CPNE2: variants seen among roughly 807,000 people sequenced by gnomAD.
CPNE2 encodes copine 2.
A neutral mutation model predicts 69.7 loss-of-function variants in CPNE2; 42 were observed. The observed-to-expected ratio is 0.60, with a 90% CI of 0.47 to 0.78. The LOEUF (loss-of-function observed/expected upper bound fraction) is 0.78. Ranked by LOEUF, CPNE2 falls within the 30% of genes least tolerant of loss-of-function variation. CPNE2 has a pLI of 0.00. For missense variants in CPNE2, 587 were observed against 732.0 expected (o/e 0.80, Z 2.29); for synonymous variants, 294 against 289.8 (o/e 1.01, Z -0.15).
intron 7 of CPNE2, among the ~76,000 whole-genome samples, chr16:57,120,204 C>T (rs949399502): frequency 6.0e-5 from 9 of 150,520 alleles, no homozygotes; most frequent in East Asian, 2.0e-4. Context: ...ATGTGGGAGG[C>T]GGAGGTTGCA....
chr16:57,143,459 T>G (rs1370213111), intron 14 of CPNE2: 1 of 152,336 alleles, frequency 6.6e-6, no homozygotes, highest in African/African-American at 2.4e-5. Context: ...GCCAGGCCCC[T>G]CTGTTGGAGA....
rs140158378 is a variant in CPNE2 at position 57,103,386 on chromosome 16, A to G, written c.-35-7322A>G. Among the ~76,000 whole-genome samples, 551 of 152,192 alleles carry G rather than the reference A, an allele frequency of 3.6e-3. 2 individuals are homozygous for G. Among genetic ancestry groups the G allele is most frequent in the Non-Finnish European group, 6.3e-3 (426 of 68,010 alleles). On this transcript the variant is annotated intron_variant, in intron 1 of 15. Transcript: ENST00000290776. ...CAGTTCTCCCACCTCAGCCTCCCAA[A>G]GTGTTAGGATCATAAGCGTGGGCTG...
chr16:57,123,950 G>A (rs1305821957), intron 10 of CPNE2: 1 of 179,540 alleles, frequency 5.6e-6, no homozygotes, highest in Non-Finnish European at 1.2e-5. Context: ...CAGAACCTTT[G>A]CATGGCTGCC....
chr16:57,119,282 G>A lies in CPNE2; in HGVS notation c.591+4G>A, dbSNP rs2069743376. 1 of 1,613,884 alleles carries A rather than the reference G, an allele frequency of 6.2e-7. No individual in the cohort carries two copies. The highest frequency in any genetic ancestry group is 8.5e-7 in the Non-Finnish European group (1 of 1,179,832). ...GATGCTGGTCCACAGGACTGAGGTG[G>A]GTACGTGGGGGCCCAGGGATCTCTA... On this transcript the variant is annotated splice_donor_region_variant and intron_variant, in intron 6 of 15. Coordinates refer to ENST00000290776, the MANE Select transcript of CPNE2 (RefSeq NM_152727.6).
At position 57,115,555 on chromosome 16, in the gene CPNE2, C is replaced by A; in HGVS notation, c.435+5C>A. ...GCGGGGAAGGGCTTGATTACGGTACCAGTCCCCTCCCGGCTCTCCGCACCC... is the reference window on the plus strand; with the variant it reads ...GCGGGGAAGGGCTTGATTACGGTACAAGTCCCCTCCCGGCTCTCCGCACCC... On this transcript the variant is annotated splice_donor_5th_base_variant and intron_variant, in intron 4 of 15. Transcript: ENST00000290776. 1 of 1,608,416 alleles carries A rather than the reference C, an allele frequency of 6.2e-7. No homozygotes were observed. The highest frequency in any genetic ancestry group is 1.3e-5 in the African/African-American group (1 of 74,816).
At chr16:57,112,632 C>T (rs1346725167) in intron 2 of CPNE2, among the ~76,000 whole-genome samples, 1 of 152,166 alleles carries the variant, frequency 6.6e-6, no homozygotes, top group Non-Finnish European at 1.5e-5. Context: ...GTTTCCTGTC[C>T]CAGTGCCACC....
chr16:57,127,948 T>C, intron 12 of CPNE2, 45 bp downstream of exon 12: 1 of 1,590,706 alleles, frequency 6.3e-7, no homozygotes, highest in Non-Finnish European at 8.6e-7. Context: ...AGATGGGGTT[T>C]GTGTGTGTGG....
chr16:57,093,906 G>A, intron 1 of CPNE2: 1 of 369,452 alleles, frequency 2.7e-6, no homozygotes, highest in Non-Finnish European at 5.4e-6. Flanking sequence ...CCCTGATGGG[G>A]AGGCCTGGGA....
At chr16:57,144,580 G>A (rs1274973872) in intron 14 of CPNE2, 1 of 152,318 alleles carries the variant, frequency 6.6e-6, no homozygotes, top group Admixed American at 6.5e-5. Flanking sequence ...GAGCTGATCT[G>A]TTGATGTTAC....
At position 57,127,890 on chromosome 16, in the gene CPNE2, C is replaced by T. The variant is rs1481602277; in HGVS notation, c.1103C>T (p.Pro368Leu). 1 of 1,613,776 alleles carries T rather than the reference C, an allele frequency of 6.2e-7. No homozygotes were observed. Among genetic ancestry groups the T allele is most frequent in the Non-Finnish European group, 8.5e-7 (1 of 1,179,996 alleles). Residue 368 changes from proline (P) to leucine (L), a missense_variant, in exon 12 of 16, where the codon CCC becomes CTC. Physicochemically the swap from Pro to Leu is moderately conservative, Grantham distance 98 (BLOSUM62 -3). Transcript: ENST00000290776. ...GCTCTGGGATTCGGGGCCCAGTTACCCCCAGACTGGAAGGTGAGTGAAACC... is the reference window on the plus strand; with the variant it reads ...GCTCTGGGATTCGGGGCCCAGTTACTCCCAGACTGGAAGGTGAGTGAAACC... ...FPALGFGAQL[P>L]PDWKVSHEFA...
At chr16:57,095,119 C>G (rs1334127069) in intron 1 of CPNE2, among the ~76,000 whole-genome samples, 2 of 152,324 alleles carry the variant, frequency 1.3e-5, no homozygotes, top group East Asian at 1.9e-4. Context: ...AGCTCCTTCC[C>G]CCTTGCAGAA....
Position 57,121,708 on chromosome 16 carries a change from G to T in CPNE2, c.815G>T (p.Arg272Met). ...GAGTGCATCAACCCCAAGAAGCAGA[G>T]GAAGAAGAAGAACTATAAAAACTCG... ...EFECINPKKQ[R>M]KKKNYKNSGI... is the part of the protein sequence containing the mutation. Residue 272 changes from arginine (R) to methionine (M), a missense_variant, in exon 9 of 16, where the codon AGG (arginine) becomes ATG (methionine). Physicochemically the swap from Arg to Met is moderately conservative, Grantham distance 91. Transcript: ENST00000290776. The T allele has an allele frequency of 6.2e-7, 1 of 1,614,168 alleles. No homozygotes were observed. Among genetic ancestry groups the T allele is most frequent in the African/African-American group, 1.3e-5 (1 of 75,050 alleles).
chr16:57,147,057 T>C (rs566815852), intron 15 of CPNE2: 1 of 153,256 alleles, frequency 6.5e-6, no homozygotes, highest in Admixed American at 6.5e-5. Flanking sequence ...CCTCTGGGGT[T>C]GCCTGCGATG....
In CPNE2 at chr16:57,137,166, C is replaced by T. The variant is rs200997147; in HGVS notation, c.1186C>T (p.Gln396Ter). The T allele has an allele frequency of 7.4e-6, 12 of 1,614,168 alleles. No homozygotes were observed. Among genetic ancestry groups the T allele is most frequent in the Non-Finnish European group, 7.6e-6 (9 of 1,180,010 alleles). Residue 396 changes from glutamine (Q) to a stop codon, truncating the protein, a stop_gained, in exon 14 of 16, where the codon CAG becomes TAG. Transcript: ENST00000290776. LOFTEE classifies it high-confidence loss of function. ...PFCSGVDGIA[Q>*]AYSACLPHIR... ...CGAGGCAGGTGTGGATGGTATTGCC[C>T]AGGCGTACTCAGCTTGCCTGCCCCA...
In CPNE2 at chr16:57,092,996, G is replaced by T. The variant is rs1396080541; in HGVS notation, c.-36+206G>T. Among the ~76,000 whole-genome samples, 2 of 152,122 alleles carry T rather than the reference G, an allele frequency of 1.3e-5. No individual in the cohort carries two copies. Among genetic ancestry groups the T allele is most frequent in the African/African-American group, 4.8e-5 (2 of 41,450 alleles). ...CGACCCGGCCACGCGGGGGCGCCCC[G>T]CCGGCTCCCGGACTGCGGGGAAGGG... On this transcript the variant is annotated intron_variant, in intron 1 of 15. Transcript: ENST00000290776. The surrounding 1 kb of genome is among the most constrained non-coding windows in gnomAD (Gnocchi z 5.3).
rs982457181 is a variant in CPNE2 at position 57,094,762 on chromosome 16, C to A, written c.-36+1972C>A. Among the ~76,000 whole-genome samples, 5 of 152,262 alleles carry A rather than the reference C, an allele frequency of 3.3e-5. No homozygotes were observed. The South Asian group carries it at 8.3e-4, about 25-fold the overall frequency. On this transcript the variant is annotated intron_variant, in intron 1 of 15. Transcript: ENST00000290776. ...TGTCTCAGGCCAGCTTGCTCCTCCC[C>A]CTCCCGTCAGGACTTCTGGGCTGTT...
At chr16:57,124,352 G>A in intron 10 of CPNE2, 1 of 456,012 alleles carries the variant, frequency 2.2e-6, no homozygotes, top group South Asian at 1.6e-5. Context: ...AAAGTGCTAG[G>A]ATTACAGGCA....
At chr16:57,145,644 C>T (rs930687853) in intron 14 of CPNE2, 5 of 216,798 alleles carry the variant, frequency 2.3e-5, no homozygotes, top group Non-Finnish European at 3.8e-5. Flanking sequence ...CAGCCGTGGG[C>T]CTGTCGGGAA....
chr16:57,099,298 T>C (rs572686912), intron 1 of CPNE2, among the ~76,000 whole-genome samples: 4 of 152,346 alleles, frequency 2.6e-5, no homozygotes, highest in Non-Finnish European at 5.9e-5. Context: ...TCAAGTTGGC[T>C]GTATGTGGTC....
Sources: allele counts gnomAD v4.1 joint callset (sites outside exome capture counted in the v4.1 genomes callset), GRCh38; gene constraint gnomAD v4.1.1; non-coding constraint Gnocchi (gnomAD v3.1); transcripts MANE v1.5; gene names NCBI Gene and HGNC (gene_info 2026-07-23, HGNC 2026-07-21).